KAZN: variants seen among roughly 807,000 people sequenced by gnomAD.
KAZN encodes kazrin.
Under a neutral mutation model 87.4 loss-of-function variants are expected in KAZN, and 40 were observed. The observed-to-expected ratio is 0.46, with a 90% confidence interval of 0.36 to 0.60. KAZN has a LOEUF of 0.60. Ranked by LOEUF, KAZN falls within the 20% of genes least tolerant of loss-of-function variation. The pLI, the probability that KAZN is intolerant of heterozygous loss-of-function variation, is 0.00. For missense variants in KAZN, 898 were observed against 1,073.9 expected (o/e 0.84, Z 2.29); for synonymous variants, 466 against 458.3 (o/e 1.02, Z -0.22).
At chr1:14,876,877 G>A (rs1156743174) in intron 1 of KAZN, among the ~76,000 whole-genome samples, 1 of 152,168 alleles carries the variant, frequency 6.6e-6, no homozygotes. Context: ...CATCTACTTT[G>A]ACATGAACTA....
At chr1:14,328,586 C>A (rs535547097) in intron 2 of KAZN, among the ~76,000 whole-genome samples, 1 of 151,944 alleles carries the variant, frequency 6.6e-6, no homozygotes, top group African/African-American at 2.4e-5. Context: ...GCCCGTAGTC[C>A]CAGCTACTCG....
intron 1 of KAZN, among the ~76,000 whole-genome samples, chr1:14,158,228 AATAACTT>A (rs1172177974): frequency 5.3e-5 from 8 of 152,168 alleles, no homozygotes; most frequent in African/African-American, 1.9e-4. Flanking sequence ...CTTTAAGGCC[AATAACTT>A]ACATTTGCTC....
intron 2 of KAZN, among the ~76,000 whole-genome samples, chr1:14,414,648 C>T (rs925865189): frequency 2.6e-5 from 4 of 151,892 alleles, no homozygotes; most frequent in African/African-American, 4.8e-5. Context: ...GTGTGTTATA[C>T]GTATGTAGCA....
chr1:14,802,418 A>G (rs1299900034), intron 1 of KAZN, among the ~76,000 whole-genome samples: 1 of 151,606 alleles, frequency 6.6e-6, no homozygotes, highest in Non-Finnish European at 1.5e-5. Flanking sequence ...AAAAAAAAAA[A>G]AAAAATTGGG....
In KAZN at chr1:14,599,018, G is replaced by A. The variant is rs768691626; in HGVS notation, c.21G>A (p.Gln7=). MMEDNK[Q]LALRIDGAVQ... is the part of the protein sequence containing the mutation. The stretch of plus-strand genomic sequence containing the variant: ...TGAGCATGATGGAAGACAATAAGCA[G>A]CTCGCGCTCCGCATCGATGGGGCGG... Residue 7 remains glutamine (Q), a synonymous_variant, in exon 1 of 15, where the codon CAG becomes CAA. Transcript: ENST00000376030. The surrounding 1 kb of genome is among the most constrained non-coding windows in gnomAD (Gnocchi z 4.4). The A allele has an allele frequency of 6.4e-7, 1 of 1,570,728 alleles. No individual in the cohort carries two copies. The highest frequency in any genetic ancestry group is 8.6e-7 in the Non-Finnish European group (1 of 1,162,334).
chr1:14,830,101 T>C (rs772375555), intron 1 of KAZN, among the ~76,000 whole-genome samples: 2 of 152,186 alleles, frequency 1.3e-5, no homozygotes, highest in African/African-American at 2.4e-5. Flanking sequence ...TACATATTAT[T>C]AAAAAGGCCA....
At chr1:14,722,493 G>A (rs868647238) in intron 1 of KAZN, among the ~76,000 whole-genome samples, 11 of 152,140 alleles carry the variant, frequency 7.2e-5, no homozygotes, top group African/African-American at 9.7e-5. Flanking sequence ...ATATACATTC[G>A]TTATAACCGT....
At chr1:14,953,518 G>T (rs1007973940) in intron 1 of KAZN, among the ~76,000 whole-genome samples, 1 of 152,204 alleles carries the variant, frequency 6.6e-6, no homozygotes, top group African/African-American at 2.4e-5. Context: ...ATAAACTGTG[G>T]ATGATAAAAT....
chr1:13,960,766 G>T (rs979034977), intron 1 of KAZN, among the ~76,000 whole-genome samples: 7 of 152,194 alleles, frequency 4.6e-5, no homozygotes, highest in African/African-American at 1.7e-4. Context: ...GTGGCTGGGG[G>T]CTACTGGGAG....
intron 2 of KAZN, among the ~76,000 whole-genome samples, chr1:14,972,962 C>T (rs1665235365): frequency 6.6e-6 from 1 of 151,994 alleles, no homozygotes; most frequent in South Asian, 2.1e-4. Flanking sequence ...GTATCGAGCA[C>T]CTCCGAGAGC....
At chr1:14,703,254 T>C (rs1642027041) in intron 1 of KAZN, among the ~76,000 whole-genome samples, 1 of 152,128 alleles carries the variant, frequency 6.6e-6, no homozygotes, top group Non-Finnish European at 1.5e-5. Flanking sequence ...CCAGCTGATA[T>C]GGTTTGGTAG....
intron 2 of KAZN, among the ~76,000 whole-genome samples, chr1:14,445,877 G>A (rs539134770): frequency 3.3e-5 from 5 of 152,192 alleles, no homozygotes; most frequent in African/African-American, 4.8e-5. Flanking sequence ...AAACCCTTAC[G>A]CTGAGCATTG....
intron 1 of KAZN, among the ~76,000 whole-genome samples, chr1:14,830,203 G>T (rs1362609835): frequency 6.6e-6 from 1 of 152,138 alleles, no homozygotes; most frequent in Non-Finnish European, 1.5e-5. Context: ...TTCTTCCTTT[G>T]TGTTGGCTTC....
At chr1:15,035,018 C>T in intron 3 of KAZN, 133 bp downstream of exon 3, 1 of 1,081,682 alleles carries the variant, frequency 9.2e-7, no homozygotes, top group Non-Finnish European at 1.3e-6. Context: ...TGTGTCCAGC[C>T]AGGCCTAGGC....
chr1:14,630,689 A>T (rs908915028), intron 1 of KAZN, among the ~76,000 whole-genome samples: 8 of 152,128 alleles, frequency 5.3e-5, no homozygotes, highest in African/African-American at 1.9e-4. Context: ...CTCTCTAATG[A>T]TTCCCCTACC....
At chr1:14,749,390 G>A (rs1166318532) in intron 1 of KAZN, among the ~76,000 whole-genome samples, 9 of 152,194 alleles carry the variant, frequency 5.9e-5, no homozygotes, top group Non-Finnish European at 8.8e-5. Flanking sequence ...TATAGCCACC[G>A]AATGTTTTTA....
chr1:14,637,759 G>A (rs1430184588), intron 1 of KAZN, among the ~76,000 whole-genome samples: 1 of 151,890 alleles, frequency 6.6e-6, no homozygotes, highest in Non-Finnish European at 1.5e-5. Context: ...AAAAAAATAT[G>A]TATAGATGTA....
At chr1:14,943,793 C>A (rs1018904472) in intron 1 of KAZN, among the ~76,000 whole-genome samples, 1 of 151,804 alleles carries the variant, frequency 6.6e-6, no homozygotes, top group South Asian at 2.1e-4. Flanking sequence ...AAAGTTGAGC[C>A]GGGCACAGTG....
intron 1 of KAZN, among the ~76,000 whole-genome samples, chr1:14,868,949 G>T (rs961192905): frequency 1.3e-5 from 2 of 152,154 alleles, no homozygotes; most frequent in Non-Finnish European, 2.9e-5. Context: ...GTTCTACTCG[G>T]TGATTTTTCC....
Sources: allele counts gnomAD v4.1 joint callset (sites outside exome capture counted in the v4.1 genomes callset), GRCh38; gene constraint gnomAD v4.1.1; non-coding constraint Gnocchi (gnomAD v3.1); transcripts MANE v1.5; gene names NCBI Gene and HGNC (gene_info 2026-07-23, HGNC 2026-07-21).